The following LILRB1 variants were observed in gnomAD, a reference collection of about 807,000 sequenced individuals.
The protein encoded by LILRB1 is leukocyte immunoglobulin like receptor B1.
In LILRB1, 59 loss-of-function variants were observed where a neutral mutation model predicts 74.6. That is an observed-to-expected ratio of 0.79 (90% confidence interval 0.64 to 0.98). The LOEUF (loss-of-function observed/expected upper bound fraction) is 0.98. Among genes scored for constraint, LILRB1 ranks in the 50% least tolerant of loss-of-function variants. LILRB1 has a pLI of 0.00. For missense variants in LILRB1, 804 were observed against 822.6 expected, an observed-to-expected ratio of 0.98 and a Z score of 0.28; for synonymous variants, 328 against 333.9, an observed-to-expected ratio of 0.98 and a Z score of 0.19.
rs201120319 is a variant in LILRB1, at chr19:54,633,080, C to G, written c.1023C>G (p.Asn341Lys). 2 of 1,614,130 alleles carry G rather than the reference C, an allele frequency of 1.2e-6. No individual in the cohort carries two copies. Among genetic ancestry groups the G allele is most frequent in the African/African-American group, 1.3e-5 (1 of 74,958 alleles). ...GCCCCACGGTGGCCTCAGGAGAGAACGTGACCCTGCTGTGTCAGTCACAGG... is the reference window on the plus strand; with the variant it reads ...GCCCCACGGTGGCCTCAGGAGAGAAGGTGACCCTGCTGTGTCAGTCACAGG... ...QPGPTVASGE[N>K]VTLLCQSQGW... The change falls in exon 7 of 15, where the codon AAC becomes AAG. Residue 341 changes from asparagine to lysine, a missense_variant. Physicochemically the swap from Asn to Lys is moderately conservative, Grantham distance 94. Coordinates refer to ENST00000324602, the MANE Select transcript of LILRB1 (RefSeq NM_001081637.3).
rs634222 is a variant in LILRB1 at position 54,636,785 on chromosome 19, G to C, written c.1866G>C (p.Leu622Phe). Reference sequence around the variant, plus strand: ...TGACCTACGCCCAGCTGCACAGCTTGACCCTCAGACGGGAGGCAACTGAGC... The same window carrying C: ...TGACCTACGCCCAGCTGCACAGCTTCACCCTCAGACGGGAGGCAACTGAGC... The part of the protein sequence containing the change: ...QDVTYAQLHS[L>F]TLRREATEPP... Residue 622 changes from leucine to phenylalanine, a missense_variant, in exon 15 of 15, where the codon TTG (leucine) becomes TTC (phenylalanine). Leu to Phe is a conservative substitution (Grantham distance 22). Transcript: ENST00000324602. 2.0e-5 allele frequency: 33 copies of C among 1,611,484 alleles called. No individual in the cohort carries two copies. Among genetic ancestry groups the C allele is most frequent in the Non-Finnish European group, 2.7e-5 (32 of 1,179,308 alleles).
chr19:54,631,412 G>C, intron 3 of LILRB1, 88 bp from the exon 4 acceptor site: 1 of 1,610,302 alleles, frequency 6.2e-7, no homozygotes, highest in South Asian at 1.1e-5. Flanking sequence ...TGACTGATGG[G>C]GGCGTCTGGA....
intron 1 of LILRB1, chr19:54,617,496 G>A (rs2063337076): frequency 6.6e-6 from 1 of 150,470 alleles, no homozygotes; most frequent in Non-Finnish European, 1.5e-5. Flanking sequence ...TTTGCAAGCT[G>A]GTAAATTTAT....
At chr19:54,636,295 G>A in intron 13 of LILRB1, 199 bp from the exon 14 acceptor site, 11 of 1,135,464 alleles carry the variant, frequency 9.7e-6, no homozygotes, top group Non-Finnish European at 1.4e-5. Context: ...TGAGGCTGCA[G>A]CCAAATGGGC....
intron 1 of LILRB1, among the ~76,000 whole-genome samples, chr19:54,624,834 G>A (rs2063538526): frequency 6.6e-6 from 1 of 151,978 alleles, no homozygotes; most frequent in Non-Finnish European, 1.5e-5. Context: ...GGTAGAGCCT[G>A]CGGCAGATCA....
chr19:54,621,218 A>G (rs2146162973), intron 1 of LILRB1, among the ~76,000 whole-genome samples: 2 of 151,752 alleles, frequency 1.3e-5, no homozygotes, highest in East Asian at 3.9e-4. Flanking sequence ...GCTGGATACC[A>G]TGTAATGGGA....
chr19:54,636,452 C>T, intron 13 of LILRB1, 42 bp from the exon 14 acceptor site: 7 of 1,605,312 alleles, frequency 4.4e-6, no homozygotes, highest in Non-Finnish European at 6.0e-6. Context: ...TCCAGGGGGT[C>T]AGGAGGATTC....
At chr19:54,630,731 G>T (rs528346476) in intron 1 of LILRB1, 98 bp downstream of exon 1, 10 of 754,916 alleles carry the variant, frequency 1.3e-5, no homozygotes, top group Non-Finnish European at 2.3e-5. Context: ...CGCTACCCTC[G>T]TCAGGAAGGG....
At chr19:54,630,080 C>T (rs571501112), upstream of LILRB1, among the ~76,000 whole-genome samples, 2 of 152,352 alleles carry the variant, frequency 1.3e-5, no homozygotes, top group Non-Finnish European at 2.9e-5. Flanking sequence ...TGTTCCAGCA[C>T]CACTGACCGT....
Position 54,636,580 on chromosome 19 carries a change from T to C in LILRB1, c.1740T>C (p.Pro580=), listed in dbSNP as rs41308746. 205,089 of 1,409,266 alleles carry C rather than the reference T, an allele frequency of 0.15. 18,659 individuals are homozygous for C. Among genetic ancestry groups the C allele is most frequent in the African/African-American group, 0.19 (12,593 of 66,184 alleles). 87.3% of individuals were successfully genotyped at this position (1,409,266 alleles called of 1,614,324 possible). The change falls in exon 14 of 15, where the codon CCT becomes CCC. Residue 580 remains proline (P), a synonymous_variant. Transcript: ENST00000324602. ...SRPRREMASP[P]SPLSGEFLDT... is the part of the protein sequence containing the mutation. ...CTAGGAGAGAAATGGCCTCTCCTCCTTCCCCACTGTCTGGGGAATTCCTGG... is the reference window on the plus strand; with the variant it reads ...CTAGGAGAGAAATGGCCTCTCCTCCCTCCCCACTGTCTGGGGAATTCCTGG...
intron 9 of LILRB1, 49 bp downstream of exon 9, chr19:54,634,070 G>T (rs1380815091): frequency 6.4e-7 from 1 of 1,561,612 alleles, no homozygotes; most frequent in Non-Finnish European, 8.7e-7. Context: ...AGGGGAGGCA[G>T]GGGTGGGTTC....
intron 7 of LILRB1, 108 bp from the exon 8 acceptor site, chr19:54,633,530 G>A: frequency 1.6e-6 from 2 of 1,245,666 alleles, no homozygotes; most frequent in Non-Finnish European, 2.2e-6. Flanking sequence ...GAGGCGGGTG[G>A]AGGGAGGGGC....
chr19:54,627,535 C>T (rs1384556105), upstream of LILRB1, among the ~76,000 whole-genome samples: 8 of 152,164 alleles, frequency 5.3e-5, no homozygotes, highest in East Asian at 1.9e-4. Flanking sequence ...CCTGCTTTGA[C>T]GAGGTTTATC....
In LILRB1 at chr19:54,632,127, T is replaced by C; in HGVS notation, c.551T>C (p.Val184Ala). The C allele has an allele frequency of 2.5e-6, 4 of 1,614,230 alleles. No homozygotes were observed. The highest frequency in any genetic ancestry group is 3.4e-6 in the Non-Finnish European group (4 of 1,180,018). The stretch of plus-strand genomic sequence containing the variant: ...GGGTCGTCCCGCGCCATCTTCTCCG[T>C]GGGCCCCGTGAGCCCGAGTCGCAGG... ...ARGSSRAIFS[V>A]GPVSPSRRWW... The change falls in exon 5 of 15, where the codon GTG (valine) becomes GCG (alanine). Residue 184 changes from valine to alanine, a missense_variant. Physicochemically the swap from Val to Ala is moderately conservative, Grantham distance 64 (BLOSUM62 0). Coordinates refer to ENST00000324602, the MANE Select transcript of LILRB1 (RefSeq NM_001081637.3).
chr19:54,623,590 T>C (rs746025157), intron 1 of LILRB1, among the ~76,000 whole-genome samples: 64 of 152,228 alleles, frequency 4.2e-4, no homozygotes, highest in Non-Finnish European at 7.9e-4. Flanking sequence ...ATTTTATTTA[T>C]ACTTTCAAAA....
In LILRB1 at chr19:54,631,752, C is replaced by T. The variant is rs753911415; in HGVS notation, c.323C>T (p.Ser108Leu). 6.2e-7 allele frequency: 1 copy of T among 1,614,250 alleles called. No homozygotes were observed. Among genetic ancestry groups the T allele is most frequent in the Non-Finnish European group, 8.5e-7 (1 of 1,180,030 alleles). Residue 108 changes from serine (S) to leucine (L), a missense_variant, in exon 4 of 15, where the codon TCA becomes TTA. By Grantham distance (145) the Ser-to-Leu change is moderately radical. Transcript: ENST00000324602. ...CYYGSDTAGR[S>L]ESSDPLELVV... ...TATGGTAGCGACACTGCAGGCCGCT[C>T]AGAGAGCAGTGACCCCCTGGAGCTG...
In LILRB1 at chr19:54,631,554, G is replaced by C. The variant is rs1294644614; in HGVS notation, c.125G>C (p.Gly42Ala). 6.2e-7 allele frequency: 1 copy of C among 1,614,082 alleles called. No individual in the cohort carries two copies. The highest frequency in any genetic ancestry group is 8.5e-7 in the Non-Finnish European group (1 of 1,180,034). The stretch of plus-strand genomic sequence containing the variant: ...GAACCAGGCTCTGTGATCACCCAGG[G>C]GAGTCCTGTGACCCTCAGGTGTCAG... ...WAEPGSVITQ[G>A]SPVTLRCQGG... Residue 42 changes from glycine to alanine, a missense_variant, in exon 4 of 15, where the codon GGG becomes GCG. Coordinates refer to ENST00000324602, the MANE Select transcript of LILRB1 (RefSeq NM_001081637.3).
intron 8 of LILRB1, 139 bp downstream of exon 8, chr19:54,633,827 G>C: frequency 6.9e-7 from 1 of 1,439,776 alleles, no homozygotes; most frequent in Non-Finnish European, 9.4e-7. Flanking sequence ...GGGGCCACAG[G>C]GTCCCCAGGG....
intron 1 of LILRB1, among the ~76,000 whole-genome samples, chr19:54,619,657 G>A (rs2063402354): frequency 6.6e-6 from 1 of 151,966 alleles, no homozygotes; most frequent in Admixed American, 6.6e-5. Flanking sequence ...AAGTAAGAGA[G>A]GAATTTTTAT....
Sources: gnomAD v4.1 joint callset for allele counts (sites outside exome capture counted in the v4.1 genomes callset) on GRCh38, gnomAD v4.1.1 for gene constraint, MANE v1.5 for transcripts, NCBI Gene and HGNC (gene_info 2026-07-23, HGNC 2026-07-21) for gene names.